Variants in B3GNT3 observed in about 807,000 individuals in gnomAD.
B3GNT3 encodes the protein N-acetyllactosaminide beta-1,3-N-acetylglucosaminyltransferase 3.
A neutral mutation model predicts 11.6 loss-of-function variants in B3GNT3; 7 were observed. The observed-to-expected ratio is 0.60, with a 90% CI of 0.34 to 1.13. B3GNT3 has a LOEUF of 1.13. Ranked by LOEUF, B3GNT3 falls within the 50% of genes most tolerant of loss-of-function variation. The pLI, the probability that B3GNT3 is intolerant of heterozygous loss-of-function variation, is 0.03. For synonymous variants in B3GNT3, 201 were observed against 222.1 expected (o/e 0.90, Z 0.85); for missense variants, 400 against 507.4 (o/e 0.79, Z 2.03).
chr19:17,804,227 C>G (rs1263654030), intron 1 of B3GNT3, among the ~76,000 whole-genome samples: 1 of 142,904 alleles, frequency 7.0e-6, no homozygotes, highest in Non-Finnish European at 1.5e-5. Flanking sequence ...TCTTTTCTTT[C>G]TTTCTTTTTT....
chr19:17,807,509 CA>C (rs57567496), intron 1 of B3GNT3, among the ~76,000 whole-genome samples: 13,609 of 126,202 alleles, frequency 0.11, 696 homozygotes, highest in Admixed American at 0.18. Flanking sequence ...GACGCTGTCT[CA>C]AAAAAAAAAA....
At position 17,811,571 on chromosome 19, in the gene B3GNT3, G is replaced by T; in HGVS notation, c.568G>T (p.Val190Phe). 1 of 1,609,208 alleles carries T rather than the reference G, an allele frequency of 6.2e-7. No homozygotes were observed. Among genetic ancestry groups the T allele is most frequent in the South Asian group, 1.1e-5 (1 of 90,444 alleles). Residue 190 changes from valine (V) to phenylalanine (F), a missense_variant and splice_region_variant, in exon 3 of 3, where the codon GTC becomes TTC. Coordinates refer to ENST00000318683, the MANE Select transcript of B3GNT3 (RefSeq NM_014256.4). This position sits in a 1 kb window ranked among gnomAD's most constrained non-coding sequence, Gnocchi z 4.1. ...DSFFNLTLKQ[V>F]LFLQWQETRC... ...CATGCCCTGTCCACCCTGCCTGCAG[G>T]TCCTGTTCTTACAGTGGCAGGAGAC...
chr19:17,800,537 C>T (rs78955162), intron 1 of B3GNT3, among the ~76,000 whole-genome samples: 8,153 of 152,208 alleles, frequency 0.054, 265 homozygotes, highest in Middle Eastern at 0.075. Flanking sequence ...AGCAGACAAC[C>T]CTTCTGCATA....
At chr19:17,806,509 A>G (rs1211457305) in intron 1 of B3GNT3, among the ~76,000 whole-genome samples, 1 of 152,200 alleles carries the variant, frequency 6.6e-6, no homozygotes, top group East Asian at 1.9e-4. Context: ...GGTGGCCGAG[A>G]GTTGGCCAGG....
In B3GNT3 at chr19:17,807,792, A is replaced by T; in HGVS notation, c.-16A>T. ...AGGAGGCTCCTCAGGCCGACCCCAGACCCTGGCTGGCCAGGATGAAGTATC... is the reference window on the plus strand; with the variant it reads ...AGGAGGCTCCTCAGGCCGACCCCAGTCCCTGGCTGGCCAGGATGAAGTATC... On this transcript the variant is annotated 5_prime_UTR_variant, in exon 2 of 3. Transcript: ENST00000318683. The T allele has an allele frequency of 6.3e-7, 1 of 1,597,334 alleles. No individual in the cohort carries two copies. The highest frequency in any genetic ancestry group is 8.6e-7 in the Non-Finnish European group (1 of 1,168,392).
rs181089396 is a variant in B3GNT3, at chr19:17,811,247, A to C, written c.568-324A>C. On this transcript the variant is annotated intron_variant, in intron 2 of 2. Coordinates refer to ENST00000318683, the MANE Select transcript of B3GNT3 (RefSeq NM_014256.4). The surrounding 1 kb of genome is among the most constrained non-coding windows in gnomAD (Gnocchi z 4.1). ...ACAAAATTCATACAAATGATTATTTAACAACAGGGCTTGGCCAGGCAGAGT... is the reference window on the plus strand; with the variant it reads ...ACAAAATTCATACAAATGATTATTTCACAACAGGGCTTGGCCAGGCAGAGT... 3.6e-4 allele frequency among the ~76,000 whole-genome samples: 55 copies of C among 152,332 alleles called. No homozygotes were observed. The Middle Eastern group carries it at 0.017, about 47-fold the overall frequency.
rs2094175395 is a variant in B3GNT3, at chr19:17,807,959, C to T, written c.152C>T (p.Thr51Ile). 6.2e-7 allele frequency: 1 copy of T among 1,612,760 alleles called. No homozygotes were observed. Among genetic ancestry groups the T allele is most frequent in the Admixed American group, 1.7e-5 (1 of 59,960 alleles). Residue 51 changes from threonine to isoleucine, a missense_variant, in exon 2 of 3, where the codon ACT (threonine) becomes ATT (isoleucine). Coordinates refer to ENST00000318683, the MANE Select transcript of B3GNT3 (RefSeq NM_014256.4). ...ATCCCCGAGGCCCTGGCCTGGCCCA[C>T]TCCACCCACCCGCCCAGCCCCGGCC... Reference protein sequence around the residue: ...PAIPEALAWPTPPTRPAPAPC... With the variant: ...PAIPEALAWPIPPTRPAPAPC...
In B3GNT3 at chr19:17,804,240, C is replaced by CTT. The variant is rs773524591; in HGVS notation, c.-50-3502_-50-3501dup. Among the ~76,000 whole-genome samples, 357 of 112,164 alleles carry CTT rather than the reference C, an allele frequency of 3.2e-3. 6 individuals are homozygous for CTT. Among genetic ancestry groups the CTT allele is most frequent in the East Asian group, 0.017 (72 of 4,190 alleles). 73.6% of individuals were successfully genotyped at this position (112,164 alleles called of 152,430 possible). A position where few individuals can be genotyped will look rare whatever the true frequency, so the allele number is the denominator to read the frequency against. On this transcript the variant is annotated intron_variant, in intron 1 of 2. Coordinates refer to ENST00000318683, the MANE Select transcript of B3GNT3 (RefSeq NM_014256.4). ...TTTCTTTTCTTTCTTTCTTTTTTTT[C>CTT]TTTTTTTTTTTTTTTTTGAGACAGA...
intron 1 of B3GNT3, among the ~76,000 whole-genome samples, chr19:17,804,207 CT>C (rs918862690): frequency 6.6e-5 from 9 of 135,980 alleles, no homozygotes; most frequent in East Asian, 4.2e-4. Context: ...TCTTATTTTC[CT>C]TTTTTTTTTC....
Position 17,808,171 on chromosome 19 carries a change from C to T in B3GNT3, c.364C>T (p.Arg122Cys), listed in dbSNP as rs764743027. The change falls in exon 2 of 3, where the codon CGC (arginine) becomes TGC (cysteine). Residue 122 changes from arginine (R) to cysteine (C), a missense_variant. Coordinates refer to ENST00000318683, the MANE Select transcript of B3GNT3 (RefSeq NM_014256.4). ...VIKSSPSNYV[R>C]RELLRRTWGR... is the part of the protein sequence containing the mutation. ...CAAGTCCTCCCCTAGCAACTATGTG[C>T]GCCGCGAGCTGCTGCGGCGCACGTG... The T allele has an allele frequency of 1.8e-5, 29 of 1,611,026 alleles. No homozygotes were observed. The highest frequency in any genetic ancestry group is 2.7e-5 in the African/African-American group (2 of 74,832).
chr19:17,795,897 G>C (rs1055972417), intron 1 of B3GNT3, among the ~76,000 whole-genome samples: 3 of 152,108 alleles, frequency 2.0e-5, no homozygotes, highest in Non-Finnish European at 4.4e-5. Context: ...TGTTAAGGGG[G>C]GGTCTCATGG....
chr19:17,804,101 C>T (rs990985039), intron 1 of B3GNT3, among the ~76,000 whole-genome samples: 1 of 152,196 alleles, frequency 6.6e-6, no homozygotes, highest in African/African-American at 2.4e-5. Flanking sequence ...TCCCACTGCC[C>T]AGAGGTTCCT....
chr19:17,798,740 T>C (rs1468698902), intron 1 of B3GNT3, among the ~76,000 whole-genome samples: 1 of 151,832 alleles, frequency 6.6e-6, no homozygotes, highest in African/African-American at 2.4e-5. Flanking sequence ...TTTGGGAGGC[T>C]GAGGTGGGAG....
intron 1 of B3GNT3, among the ~76,000 whole-genome samples, chr19:17,799,190 A>G (rs2094162881): frequency 6.6e-6 from 1 of 151,154 alleles, no homozygotes; most frequent in Non-Finnish European, 1.5e-5. Flanking sequence ...CCAAATCCCA[A>G]TTTAGGATGG....
At position 17,807,936 on chromosome 19, in the gene B3GNT3, C is replaced by T. The variant is rs2147652678; in HGVS notation, c.129C>T (p.Ile43=). The T allele has an allele frequency of 6.2e-7, 1 of 1,613,502 alleles. No individual in the cohort carries two copies. The highest frequency in any genetic ancestry group is 8.5e-7 in the Non-Finnish European group (1 of 1,179,928). The change falls in exon 2 of 3, where the codon ATC becomes ATT. Residue 43 remains isoleucine (I), a synonymous_variant. Transcript: ENST00000318683. ...AGGTCCAGGAGCAGCCACCGGCGAT[C>T]CCCGAGGCCCTGGCCTGGCCCACTC... The part of the protein sequence containing the change: ...TCKVQEQPPA[I]PEALAWPTPP...
In B3GNT3 at chr19:17,807,825, C is replaced by G. The variant is rs1374235581; in HGVS notation, c.18C>G (p.His6Gln). Residue 6 changes from histidine to glutamine, a missense_variant, in exon 2 of 3, where the codon CAC becomes CAG. Physicochemically the swap from His to Gln is conservative, Grantham distance 24. Transcript: ENST00000318683. Reference sequence around the variant, plus strand: ...TGGCCAGGATGAAGTATCTCCGGCACCGGCGGCCCAATGCCACCCTCATTC... The same window carrying G: ...TGGCCAGGATGAAGTATCTCCGGCAGCGGCGGCCCAATGCCACCCTCATTC... MKYLR[H>Q]RRPNATLILA... 6.2e-7 allele frequency: 1 copy of G among 1,611,096 alleles called. No individual in the cohort carries two copies. Among genetic ancestry groups the G allele is most frequent in the African/African-American group, 1.3e-5 (1 of 74,872 alleles).
chr19:17,796,010 G>A (rs1310887848), intron 1 of B3GNT3, among the ~76,000 whole-genome samples: 4 of 152,144 alleles, frequency 2.6e-5, no homozygotes, highest in Non-Finnish European at 5.9e-5. Context: ...AATTATGTCT[G>A]TAGCCACTGT....
intron 1 of B3GNT3, among the ~76,000 whole-genome samples, chr19:17,797,284 C>T (rs575964432): frequency 6.6e-6 from 1 of 152,144 alleles, no homozygotes; most frequent in African/African-American, 2.4e-5. Context: ...GAAATAATAT[C>T]ATGAATATTT....
rs1459035092 is a variant in B3GNT3, at chr19:17,812,156, G to A, written c.*34G>A. On this transcript the variant is annotated 3_prime_UTR_variant, in exon 3 of 3. Transcript: ENST00000318683. ...CAGGGTCCCCAGCCTCTGGGCTCCT[G>A]TTTCCATAGGAAGGGGCGACACCTT... is the stretch of plus-strand genomic sequence containing the variant. The A allele has an allele frequency of 1.9e-6, 3 of 1,547,502 alleles. No homozygotes were observed. The highest frequency in any genetic ancestry group is 2.6e-6 in the Non-Finnish European group (3 of 1,156,442).
Sources: gnomAD v4.1 joint callset for allele counts (sites outside exome capture counted in the v4.1 genomes callset) on GRCh38, gnomAD v4.1.1 for gene constraint, Gnocchi (gnomAD v3.1) non-coding constraint, MANE v1.5 for transcripts, NCBI Gene and HGNC (gene_info 2026-07-23, HGNC 2026-07-21) for gene names.